Variants in SLC22A25 observed in about 807,000 individuals in gnomAD.
SLC22A25 encodes MGI:2442751, MGI:2385316, MGI:3042283, MGI:3645714, MGI:3605624, MGI:2442750.
In SLC22A25, 44 loss-of-function variants were observed where a neutral mutation model predicts 45.9. The ratio of observed to expected loss-of-function variants is 0.96; its 90% confidence interval spans 0.75 to 1.23. The LOEUF is 1.23. SLC22A25 is among the 50% of genes most tolerant of loss of function. SLC22A25 has a pLI of 0.00. For synonymous variants in SLC22A25, 283 were observed against 238.6 expected, an observed-to-expected ratio of 1.19 and a Z score of -1.72; for missense variants, 800 against 666.4, an observed-to-expected ratio of 1.20 and a Z score of -2.21.
At position 63,229,360 on chromosome 11, in the gene SLC22A25, A is replaced by G; in HGVS notation, c.293T>C (p.Leu98Pro). Residue 98 changes from leucine (L) to proline (P), a missense_variant, in exon 4 of 12, where the codon CTC becomes CCC. Transcript: ENST00000306494. ...GGGGAAGGTCCCATTCAGATGAATG[A>G]GCTTCCACTGGGGATGGACAAAGCG... ...CRRFVHPQWKLIHLNGTFPNT... is the reference protein window; with the variant it reads ...CRRFVHPQWKPIHLNGTFPNT... 6.2e-7 allele frequency: 1 copy of G among 1,613,996 alleles called. No individual in the cohort carries two copies. Among genetic ancestry groups the G allele is most frequent in the Non-Finnish European group, 8.5e-7 (1 of 1,179,942 alleles).
At chr11:63,177,559 C>T (rs1292393999) in intron 9 of SLC22A25, among the ~76,000 whole-genome samples, 1 of 151,472 alleles carries the variant, frequency 6.6e-6, no homozygotes, top group Non-Finnish European at 1.5e-5. Flanking sequence ...ATACCCTTTC[C>T]CCAGTACCCT....
At position 63,162,465 on chromosome 11, in the gene SLC22A25, T is replaced by C. The variant is rs895891711; in HGVS notation, c.*1359A>G. Among the ~76,000 whole-genome samples, 5 of 152,196 alleles carry C rather than the reference T, an allele frequency of 3.3e-5. No homozygotes were observed. Among genetic ancestry groups the C allele is most frequent in the African/African-American group, 1.2e-4 (5 of 41,460 alleles). ...TGTATATGGTGAGAGAGTTCTAGTT[T>C]TATTCTTCTGCATATGGATATCCAG... On this transcript the variant is annotated 3_prime_UTR_variant, in exon 12 of 12. Coordinates refer to ENST00000306494, the MANE Select transcript of SLC22A25 (RefSeq NM_199352.6).
intron 7 of SLC22A25, 66 bp from the exon 8 acceptor site, chr11:63,183,883 T>C (rs1437282889): frequency 1.2e-6 from 2 of 1,601,598 alleles, no homozygotes; most frequent in African/African-American, 2.7e-5. Flanking sequence ...ATAACATTTA[T>C]CCTGAGATGC....
At chr11:63,185,723 G>A (rs2088512822) in intron 7 of SLC22A25, among the ~76,000 whole-genome samples, 1 of 120,020 alleles carries the variant, frequency 8.3e-6, no homozygotes, top group Admixed American at 1.1e-4. Flanking sequence ...TCCCCATAGT[G>A]TGATATTCCC....
At chr11:63,223,984 T>C (rs548563568) in intron 5 of SLC22A25, among the ~76,000 whole-genome samples, 1 of 152,218 alleles carries the variant, frequency 6.6e-6, no homozygotes, top group African/African-American at 2.4e-5. Flanking sequence ...CCTGAAATTA[T>C]TTCAGGTTAA....
At chr11:63,206,751 T>C (rs901908999) in intron 7 of SLC22A25, among the ~76,000 whole-genome samples, 1 of 152,220 alleles carries the variant, frequency 6.6e-6, no homozygotes, top group Non-Finnish European at 1.5e-5. Context: ...AAGCTACAAA[T>C]GACTTTTTCA....
intron 11 of SLC22A25, 27 bp from the exon 12 acceptor site, chr11:63,164,100 A>G (rs1425276640): frequency 6.5e-7 from 1 of 1,538,660 alleles, no homozygotes; most frequent in Non-Finnish European, 8.7e-7. Flanking sequence ...CAACAGAGGA[A>G]AAGTTGTTAA....
intron 1 of SLC22A25, among the ~76,000 whole-genome samples, chr11:63,241,023 G>A (rs991474413): frequency 2.0e-5 from 3 of 152,186 alleles, no homozygotes; most frequent in Non-Finnish European, 4.4e-5. Context: ...AGCTCAAAAT[G>A]CAGAAACAAC....
At position 63,229,329 on chromosome 11, in the gene SLC22A25, C is replaced by T. The variant is rs35740247; in HGVS notation, c.324G>A (p.Thr108=). 39,008 of 1,612,314 alleles carry T rather than the reference C, an allele frequency of 0.024. 596 individuals carry two copies. The highest frequency in any genetic ancestry group is 0.052 in the Middle Eastern group (317 of 6,042). The part of the protein sequence containing the change: ...LIHLNGTFPN[T]SEPDTEPCVD... ...CACAGGGCTCTGTATCTGGCTCACT[C>T]GTGTTGGGGAAGGTCCCATTCAGAT... Residue 108 remains threonine, a synonymous_variant, in exon 4 of 12, where the codon ACG becomes ACA. Transcript: ENST00000306494.
intron 7 of SLC22A25, among the ~76,000 whole-genome samples, chr11:63,188,531 G>A (rs993447641): frequency 2.0e-5 from 3 of 152,060 alleles, no homozygotes; most frequent in South Asian, 2.1e-4. Context: ...AGAGTTCTTT[G>A]TGTCTCTATC....
chr11:63,228,103 T>C (rs1305266860), intron 5 of SLC22A25, among the ~76,000 whole-genome samples: 1 of 152,240 alleles, frequency 6.6e-6, no homozygotes, highest in East Asian at 1.9e-4. Flanking sequence ...TTTTTGGTTC[T>C]TATGAAGGTG....
rs528353946 is a variant in SLC22A25, at chr11:63,225,297, G to A, written c.506+3164C>T. ...CTTTCAGATTGAATAATTTCCTTTA[G>A]CATTTCTTGTAGGACAGGTCTGGTG... On this transcript the variant is annotated intron_variant, in intron 5 of 11. Coordinates refer to ENST00000306494, the MANE Select transcript of SLC22A25 (RefSeq NM_199352.6). 3.3e-5 allele frequency among the ~76,000 whole-genome samples: 5 copies of A among 152,112 alleles called. No homozygotes were observed. The South Asian group carries it at 1.0e-3, about 32-fold the overall frequency.
At chr11:63,235,415 C>G (rs184528470) in intron 3 of SLC22A25, among the ~76,000 whole-genome samples, 1 of 152,112 alleles carries the variant, frequency 6.6e-6, no homozygotes, top group African/African-American at 2.4e-5. Flanking sequence ...TCACTCATAC[C>G]CTTTCTTCCA....
At position 63,232,957 on chromosome 11, in the gene SLC22A25, G is replaced by A. The variant is rs543959472; in HGVS notation, c.-444-2861C>T. The stretch of plus-strand genomic sequence containing the variant: ...ACTTTTATTGATTTGCATATGTTGA[G>A]CCAGCCTTGCATCCCAGGGATGAAG... On this transcript the variant is annotated intron_variant, in intron 3 of 11. Coordinates refer to ENST00000306494, the MANE Select transcript of SLC22A25 (RefSeq NM_199352.6). Among the ~76,000 whole-genome samples, 5 of 152,056 alleles carry A rather than the reference G, an allele frequency of 3.3e-5. No homozygotes were observed. The East Asian group carries it at 5.8e-4, about 18-fold the overall frequency.
At chr11:63,180,197 G>A (rs1021039822) in intron 9 of SLC22A25, among the ~76,000 whole-genome samples, 1 of 152,090 alleles carries the variant, frequency 6.6e-6, no homozygotes, top group Non-Finnish European at 1.5e-5. Flanking sequence ...TGCGGTTGAG[G>A]GGTAGGATTT....
At chr11:63,188,588 C>G (rs1315604406) in intron 7 of SLC22A25, among the ~76,000 whole-genome samples, 1 of 152,170 alleles carries the variant, frequency 6.6e-6, no homozygotes, top group Non-Finnish European at 1.5e-5. Context: ...CTTCTGCTAG[C>G]TTTTGAATGT....
intron 5 of SLC22A25, among the ~76,000 whole-genome samples, chr11:63,224,137 A>G (rs1054559090): frequency 6.6e-6 from 1 of 152,086 alleles, no homozygotes; most frequent in Non-Finnish European, 1.5e-5. Flanking sequence ...TGAGTGCACC[A>G]ATGTTGTGCG....
At chr11:63,178,698 G>A (rs978294075) in intron 9 of SLC22A25, among the ~76,000 whole-genome samples, 5 of 151,678 alleles carry the variant, frequency 3.3e-5, no homozygotes, top group African/African-American at 1.2e-4. Flanking sequence ...TTCCTTATAG[G>A]TTTGATTTAT....
chr11:63,220,035 A>T (rs1267241792), intron 5 of SLC22A25: 46 of 1,286,842 alleles, frequency 3.6e-5, no homozygotes, highest in Non-Finnish European at 8.1e-6. Context: ...CCATTTCAGA[A>T]GACATACGGT....
Sources: allele counts gnomAD v4.1 joint callset (sites outside exome capture counted in the v4.1 genomes callset), GRCh38; gene constraint gnomAD v4.1.1; transcripts MANE v1.5; gene names NCBI Gene and HGNC (gene_info 2026-07-23, HGNC 2026-07-21).